NELL2: variants seen among roughly 807,000 people sequenced by gnomAD.
The protein encoded by NELL2 is protein kinase C-binding protein NELL2.
A neutral mutation model predicts 109.6 loss-of-function variants in NELL2; 41 were observed. The ratio of observed to expected loss-of-function variants is 0.37; its 90% confidence interval spans 0.29 to 0.49. The LOEUF is 0.49. Ranked by LOEUF, NELL2 falls within the 20% of genes least tolerant of loss-of-function variation. The pLI is 0.98. For missense variants in NELL2, 900 were observed against 1,008.3 expected (o/e 0.89, Z 1.45); for synonymous variants, 355 against 344.7 (o/e 1.03, Z -0.33).
At chr12:44,531,103 A>G (rs1273045664) in intron 16 of NELL2, among the ~76,000 whole-genome samples, 1 of 152,196 alleles carries the variant, frequency 6.6e-6, no homozygotes, top group East Asian at 1.9e-4. Context: ...AGATGCACAG[A>G]AAAAAGTGTG....
rs74555816 is a variant in NELL2 at position 44,884,727 on chromosome 12, G to A, written c.39-8827C>T. Among the ~76,000 whole-genome samples, 1,360 of 152,024 alleles carry A rather than the reference G, an allele frequency of 8.9e-3. 41 individuals are homozygous for A. The highest frequency in any genetic ancestry group is 0.03 in the African/African-American group (1,242 of 41,358). ...GGTGGGGTTCATTCCAGAAATGCAAGGTTGATAAAATATTTTAAAATCAAT... is the reference window on the plus strand; with the variant it reads ...GGTGGGGTTCATTCCAGAAATGCAAAGTTGATAAAATATTTTAAAATCAAT... On this transcript the variant is annotated intron_variant, in intron 1 of 20. Coordinates refer to the NELL2 transcript ENST00000333837.
chr12:44,856,186 T>C (rs1284628624), intron 2 of NELL2, among the ~76,000 whole-genome samples: 1 of 152,166 alleles, frequency 6.6e-6, no homozygotes, highest in Admixed American at 6.6e-5. Context: ...GTCAAGCATA[T>C]TAATCTAACA....
intron 12 of NELL2, among the ~76,000 whole-genome samples, chr12:44,667,968 G>C (rs1456923904): frequency 6.6e-6 from 1 of 152,070 alleles, no homozygotes; most frequent in Non-Finnish European, 1.5e-5. Context: ...GTTCACATAG[G>C]GTCCTACAAA....
chr12:44,824,106 C>T (rs1422443885), intron 2 of NELL2, among the ~76,000 whole-genome samples: 2 of 152,078 alleles, frequency 1.3e-5, no homozygotes, highest in African/African-American at 4.8e-5. Context: ...TATTGAGTTG[C>T]ACGAATTTCT....
At chr12:44,917,332 C>T (rs1439263800), upstream of NELL2, among the ~76,000 whole-genome samples, 2 of 152,170 alleles carry the variant, frequency 1.3e-5, no homozygotes, top group Admixed American at 6.5e-5. Flanking sequence ...AGAAACCCAG[C>T]CCAACCACTT....
intron 2 of NELL2, among the ~76,000 whole-genome samples, chr12:44,849,305 T>G (rs1178754362): frequency 6.6e-6 from 1 of 152,104 alleles, no homozygotes; most frequent in African/African-American, 2.4e-5. Context: ...AAAGGGCATA[T>G]TTTCATAATA....
intron 13 of NELL2, among the ~76,000 whole-genome samples, chr12:44,656,589 G>A (rs986549668): frequency 6.6e-6 from 1 of 152,194 alleles, no homozygotes; most frequent in African/African-American, 2.4e-5. Flanking sequence ...AAGGAAAAGT[G>A]TACAAGGCAC....
At chr12:44,837,615 T>A (rs1188312651) in intron 2 of NELL2, among the ~76,000 whole-genome samples, 1 of 152,170 alleles carries the variant, frequency 6.6e-6, no homozygotes, top group Non-Finnish European at 1.5e-5. Context: ...TATAATCTCA[T>A]CTGATTATCA....
intron 13 of NELL2, among the ~76,000 whole-genome samples, chr12:44,660,800 T>A (rs914515475): frequency 1.9e-5 from 2 of 106,962 alleles, no homozygotes; most frequent in Non-Finnish European, 4.2e-5. Context: ...CTGAAATGAG[T>A]GTCTCTTCAC....
At chr12:44,655,054 T>C (rs1306906371) in intron 13 of NELL2, among the ~76,000 whole-genome samples, 1 of 152,192 alleles carries the variant, frequency 6.6e-6, no homozygotes, top group Non-Finnish European at 1.5e-5. Flanking sequence ...GCATGTATAA[T>C]CCTTTTATTC....
chr12:44,572,402 G>C (rs1011081065), intron 15 of NELL2, among the ~76,000 whole-genome samples: 3 of 151,932 alleles, frequency 2.0e-5, no homozygotes, highest in African/African-American at 7.3e-5. Flanking sequence ...CTCCCACCTT[G>C]GTCTCCCAAA....
intron 15 of NELL2, among the ~76,000 whole-genome samples, chr12:44,541,808 T>C (rs1399989689): frequency 6.6e-6 from 1 of 152,238 alleles, no homozygotes; most frequent in Non-Finnish European, 1.5e-5. Flanking sequence ...ATTTACTCAC[T>C]TAATGCTGAC....
intron 19 of NELL2, among the ~76,000 whole-genome samples, chr12:44,513,274 G>A (rs1018049079): frequency 1.3e-5 from 2 of 151,864 alleles, no homozygotes; most frequent in African/African-American, 4.8e-5. Flanking sequence ...CTAGGTTATT[G>A]GCTAATAATT....
At chr12:44,844,939 C>A (rs1023930270) in intron 2 of NELL2, among the ~76,000 whole-genome samples, 1 of 152,082 alleles carries the variant, frequency 6.6e-6, no homozygotes, top group Non-Finnish European at 1.5e-5. Context: ...TCTATTATCT[C>A]AATTCCAGAA....
chr12:44,693,415 T>A (rs1026571687), intron 12 of NELL2, among the ~76,000 whole-genome samples: 2 of 152,208 alleles, frequency 1.3e-5, no homozygotes, highest in Non-Finnish European at 2.9e-5. Context: ...TTAGCTTTAT[T>A]GCAGTGGTCT....
intron 5 of NELL2, among the ~76,000 whole-genome samples, chr12:44,779,097 T>C (rs1025234069): frequency 3.3e-5 from 5 of 152,208 alleles, no homozygotes; most frequent in Admixed American, 2.0e-4. Flanking sequence ...CTTTAAAATA[T>C]GGAAAGTTAA....
intron 2 of NELL2, among the ~76,000 whole-genome samples, chr12:44,822,207 T>A (rs1439979412): frequency 6.6e-6 from 1 of 152,146 alleles, no homozygotes; most frequent in Non-Finnish European, 1.5e-5. Context: ...ACCATGCAGA[T>A]TATTAGCTGT....
chr12:44,638,845 G>C (rs1264176003), intron 13 of NELL2, among the ~76,000 whole-genome samples: 2 of 152,182 alleles, frequency 1.3e-5, no homozygotes, highest in Admixed American at 1.3e-4. Context: ...GCATGAGTTA[G>C]AAGTAGTCTA....
At chr12:44,713,329 T>C (rs1252765054) in intron 10 of NELL2, among the ~76,000 whole-genome samples, 1 of 151,736 alleles carries the variant, frequency 6.6e-6, no homozygotes. Flanking sequence ...ATGTTAGAGA[T>C]TACTATTAGA....
Sources: gnomAD v4.1 joint callset for allele counts (sites outside exome capture counted in the v4.1 genomes callset) on GRCh38, gnomAD v4.1.1 for gene constraint, MANE v1.5 for transcripts, NCBI Gene and HGNC (gene_info 2026-07-23, HGNC 2026-07-21) for gene names.